The following COL10A1 variants were observed in gnomAD, a reference collection of about 807,000 sequenced individuals.
The protein encoded by COL10A1 is collagen alpha-1(X) chain.
A neutral mutation model predicts 18.2 loss-of-function variants in COL10A1; 10 were observed. The observed-to-expected ratio is 0.55, with a 90% CI of 0.34 to 0.93. The LOEUF (loss-of-function observed/expected upper bound fraction) is 0.93, where lower values mean the gene tolerates loss of function less well. Among genes scored for constraint, COL10A1 ranks in the 40% least tolerant of loss-of-function variants. The pLI is 0.02. For synonymous variants in COL10A1, 330 were observed against 316.6 expected (o/e 1.04, Z -0.45); for missense variants, 897 against 853.5 (o/e 1.05, Z -0.64).
chr6:116,172,331 T>G, the COL10A1 span, among the ~76,000 whole-genome samples: 1 of 147,718 alleles, frequency 6.8e-6, no homozygotes, highest in East Asian at 1.9e-4. Flanking sequence ...TTTTTTTTTT[T>G]TTTTTTTTGA....
In COL10A1 at chr6:116,121,018, T is replaced by G. The variant is rs372512492; in HGVS notation, c.1098A>C (p.Pro366=). 2.3e-4 allele frequency: 369 copies of G among 1,614,024 alleles called. 3 individuals carry two copies. The South Asian group carries it at 3.8e-3, about 17-fold the overall frequency. ...CCCCAGGGTATCCTGCAGGCCCAGC[T>G]GGCCCTGTCTCACCTTTAGGGCCTG... is the stretch of plus-strand genomic sequence containing the variant. ...GLPGPKGETG[P]AGPAGYPGAK... Residue 366 remains proline, a synonymous_variant, in exon 3 of 3, where the codon CCA becomes CCC. Coordinates refer to ENST00000651968, the MANE Select transcript of COL10A1 (RefSeq NM_000493.4).
At chr6:116,156,426 C>A (rs540400463) in intron 1 of COL10A1, among the ~76,000 whole-genome samples, 1 of 152,148 alleles carries the variant, frequency 6.6e-6, no homozygotes, top group African/African-American at 2.4e-5. Flanking sequence ...GTTCCATTAT[C>A]TTTGCTTTCA....
chr6:116,147,147 A>G (rs1450053271), intron 1 of COL10A1, among the ~76,000 whole-genome samples: 6 of 151,954 alleles, frequency 3.9e-5, no homozygotes, highest in Non-Finnish European at 8.8e-5. Flanking sequence ...TTAAAGATAA[A>G]TGACAAACTG....
chr6:116,143,076 T>C (rs900732424), intron 1 of COL10A1, among the ~76,000 whole-genome samples: 1 of 152,232 alleles, frequency 6.6e-6, no homozygotes, highest in South Asian at 2.1e-4. Context: ...GACCGGATTT[T>C]GTTATTTTGA....
In COL10A1 at chr6:116,120,906, C is replaced by G. The variant is rs1304918815; in HGVS notation, c.1210G>C (p.Gly404Arg). The part of the protein sequence containing the change: ...PGLDGPKGNP[G>R]LPGPKGDPGV... ...GGATCACCTTTTGGACCTGGTAACC[C>G]TGGGTTACCCTTAGGACCATCGAGA... is the stretch of plus-strand genomic sequence containing the variant. Residue 404 changes from glycine to arginine, a missense_variant, in exon 3 of 3, where the codon GGG (glycine) becomes CGG (arginine). Coordinates refer to ENST00000651968, the MANE Select transcript of COL10A1 (RefSeq NM_000493.4). 6.2e-7 allele frequency: 1 copy of G among 1,613,966 alleles called. No individual in the cohort carries two copies. Among genetic ancestry groups the G allele is most frequent in the Admixed American group, 1.7e-5 (1 of 60,014 alleles).
chr6:116,119,901 C>A lies in COL10A1; in HGVS notation c.*172G>T. Reference sequence around the variant, plus strand: ...AAGAGAGGCTTCACATACGTTTTTACGTTGCTGCTCACTTTTCAGGGGGAA... The same window carrying A: ...AAGAGAGGCTTCACATACGTTTTTAAGTTGCTGCTCACTTTTCAGGGGGAA... On this transcript the variant is annotated 3_prime_UTR_variant, in exon 3 of 3. Coordinates refer to ENST00000651968, the MANE Select transcript of COL10A1 (RefSeq NM_000493.4). 2 of 647,286 alleles carry A rather than the reference C, an allele frequency of 3.1e-6. No individual in the cohort carries two copies. The highest frequency in any genetic ancestry group is 2.7e-5 in the East Asian group (1 of 37,488). The allele number at this position is 647,286 out of a possible 1,614,324, so 40.1% of individuals were successfully genotyped here.
At chr6:116,161,029 A>G (rs1254207435), upstream of COL10A1, among the ~76,000 whole-genome samples, 2 of 152,054 alleles carry the variant, frequency 1.3e-5, no homozygotes, top group Non-Finnish European at 2.9e-5. Flanking sequence ...TGATGAGTTC[A>G]TGTCCTTTGT....
the COL10A1 span, among the ~76,000 whole-genome samples, chr6:116,195,407 CT>C: frequency 6.6e-6 from 1 of 151,238 alleles, no homozygotes; most frequent in Non-Finnish European, 1.5e-5. Flanking sequence ...ATTAAATTAA[CT>C]TTTTTTTTAT....
At chr6:116,206,751 G>A in the COL10A1 span, among the ~76,000 whole-genome samples, 1 of 151,892 alleles carries the variant, frequency 6.6e-6, no homozygotes, top group Non-Finnish European at 1.5e-5. Context: ...TTTATATCTG[G>A]AGGGCAAAAC....
the COL10A1 span, among the ~76,000 whole-genome samples, chr6:116,192,012 T>A: frequency 6.6e-6 from 1 of 152,068 alleles, no homozygotes; most frequent in Non-Finnish European, 1.5e-5. Context: ...GATGCAGGCT[T>A]ATGAAACTCA....
chr6:116,134,385 T>A (rs11968086), intron 1 of COL10A1, among the ~76,000 whole-genome samples: 32,316 of 152,116 alleles, frequency 0.21, 3,623 homozygotes, highest in South Asian at 0.28. Context: ...TTCCAAATCA[T>A]GAAATGGTGT....
chr6:116,154,206 CACTT>C (rs1780123648), intron 1 of COL10A1, among the ~76,000 whole-genome samples: 1 of 151,858 alleles, frequency 6.6e-6, no homozygotes, highest in African/African-American at 2.4e-5. Flanking sequence ...GTAGTGTAAA[CACTT>C]AATTAAAATG....
the COL10A1 span, among the ~76,000 whole-genome samples, chr6:116,194,697 A>C: frequency 6.6e-6 from 1 of 152,098 alleles, no homozygotes; most frequent in African/African-American, 2.4e-5. Flanking sequence ...ACTAAGAACT[A>C]CAAGTATAAT....
chr6:116,213,180 C>T, the COL10A1 span, among the ~76,000 whole-genome samples: 6 of 152,002 alleles, frequency 3.9e-5, no homozygotes, highest in East Asian at 1.9e-4. Flanking sequence ...TGCTTCTAAA[C>T]GTGGGGGTCT....
rs532943521 is a variant in COL10A1 at position 116,155,237 on chromosome 6, G to A, written c.-16+3377C>T. Among the ~76,000 whole-genome samples, 3 of 152,256 alleles carry A rather than the reference G, an allele frequency of 2.0e-5. No homozygotes were observed. In the South Asian group the frequency reaches 6.2e-4, roughly 32 times the overall value. ...AGCATTGTTAGACAACTGTCGTGAT[G>A]GTTACATGTTATATAGTTTCCTAAT... On this transcript the variant is annotated intron_variant, in intron 1 of 1. Transcript: ENST00000418500.
chr6:116,196,746 G>A, the COL10A1 span, among the ~76,000 whole-genome samples: 4 of 151,884 alleles, frequency 2.6e-5, no homozygotes, highest in Admixed American at 2.6e-4. Context: ...ACTCTGCGGT[G>A]TTGGGAATGC....
At chr6:116,165,098 GAAAAAAAA>G in the COL10A1 span, among the ~76,000 whole-genome samples, 1 of 101,072 alleles carries the variant, frequency 9.9e-6, no homozygotes, top group Non-Finnish European at 1.9e-5. Context: ...CTCCGTCTCA[GAAAAAAAA>G]AAAAAAAAAA....
chr6:116,200,799 A>G, the COL10A1 span, among the ~76,000 whole-genome samples: 1 of 152,006 alleles, frequency 6.6e-6, no homozygotes. Flanking sequence ...AGGATATCAC[A>G]TAACAGTTCT....
At chr6:116,161,570 C>G (rs547364450), upstream of COL10A1, among the ~76,000 whole-genome samples, 1 of 152,148 alleles carries the variant, frequency 6.6e-6, no homozygotes, top group South Asian at 2.1e-4. Flanking sequence ...GTTCTCTATT[C>G]TGCTCCATTG....
Sources: allele counts gnomAD v4.1 joint callset (sites outside exome capture counted in the v4.1 genomes callset), GRCh38; gene constraint gnomAD v4.1.1; transcripts MANE v1.5; gene names NCBI Gene and HGNC (gene_info 2026-07-23, HGNC 2026-07-21).